Variants in ZFHX3 observed in about 807,000 individuals in gnomAD.
ZFHX3 encodes the protein zinc finger homeobox 3, also known as zinc finger homeobox protein 3.
A neutral mutation model predicts 279.1 loss-of-function variants in ZFHX3; 42 were observed. The ratio of observed to expected loss-of-function variants is 0.15; its 90% CI spans 0.12 to 0.19. The LOEUF is 0.19. Among genes scored for constraint, ZFHX3 ranks in the 10% least tolerant of loss-of-function variants. The pLI is 1.00. For missense variants in ZFHX3, 4,981 were observed against 4,754.0 expected (o/e 1.05, Z -1.40); for synonymous variants, 2,293 against 1,957.8 (o/e 1.17, Z -4.52).
chr16:73,577,196 T>TA (rs146361047), intron 2 of ZFHX3, among the ~76,000 whole-genome samples: 3,242 of 152,222 alleles, frequency 0.021, 130 homozygotes, highest in African/African-American at 0.071. Context: ...TTCTTAATGA[T>TA]AAAAAAATAA....
At chr16:73,536,867 C>T (rs1232185440) in intron 2 of ZFHX3, among the ~76,000 whole-genome samples, 1 of 152,050 alleles carries the variant, frequency 6.6e-6, no homozygotes, top group Non-Finnish European at 1.5e-5. Flanking sequence ...ACACATTTAA[C>T]TAAGGGATCT....
chr16:73,206,599 C>T (rs540737418), intron 5 of ZFHX3, among the ~76,000 whole-genome samples: 6 of 152,274 alleles, frequency 3.9e-5, no homozygotes, highest in African/African-American at 1.2e-4. Context: ...TCTCCTTTAT[C>T]AACATGTATT....
At chr16:72,828,263 G>A (rs2036981020) in intron 5 of ZFHX3, among the ~76,000 whole-genome samples, 1 of 152,158 alleles carries the variant, frequency 6.6e-6, no homozygotes, top group Non-Finnish European at 1.5e-5. Flanking sequence ...GAATTAGGTT[G>A]ACCAAATAAA....
chr16:72,814,200 C>A (rs1427055634), intron 5 of ZFHX3, among the ~76,000 whole-genome samples: 1 of 152,148 alleles, frequency 6.6e-6, no homozygotes, highest in Non-Finnish European at 1.5e-5. Flanking sequence ...CTGCTATCTG[C>A]TCCTCTTTCC....
chr16:73,737,931 G>A (rs903736844), intron 1 of ZFHX3, among the ~76,000 whole-genome samples: 1 of 152,152 alleles, frequency 6.6e-6, no homozygotes, highest in Non-Finnish European at 1.5e-5. Flanking sequence ...CCCAGGGGGT[G>A]TAGAGGTACT....
chr16:72,974,023 T>C (rs1223252384), intron 1 of ZFHX3, among the ~76,000 whole-genome samples: 1 of 152,208 alleles, frequency 6.6e-6, no homozygotes, highest in Non-Finnish European at 1.5e-5. Flanking sequence ...AAGTTCCTAT[T>C]AGGTAGCTCT....
intron 2 of ZFHX3, among the ~76,000 whole-genome samples, chr16:73,586,800 A>T (rs991458419): frequency 6.6e-6 from 1 of 152,182 alleles, no homozygotes; most frequent in Non-Finnish European, 1.5e-5. Context: ...GTTTTACCAC[A>T]TGAAATAGTT....
intron 1 of ZFHX3, chr16:73,015,124 G>A (rs995089402): frequency 1.5e-5 from 2 of 134,502 alleles, no homozygotes; most frequent in African/African-American, 2.8e-5. Context: ...TCAACTCACT[G>A]TACCCTCTAC....
rs773925417 is a variant in ZFHX3, at chr16:72,787,400, C to CCGAAGCCCGGGAGACCACTTG, written c.10855_10875dup (p.Gln3619_Ser3625dup). ...GGAGGAAAAGAAGGGGGCTTCGCTG[C>CCGAAGCCCGGGAGACCACTTG]CGAAGCCCGGGAGACCACTTGCGGC... On this transcript the variant is annotated inframe_insertion, in exon 10 of 10. Coordinates refer to ENST00000268489, the MANE Select transcript of ZFHX3 (RefSeq NM_006885.4). 1.9e-6 allele frequency: 3 copies of CCGAAGCCCGGGAGACCACTTG among 1,602,434 alleles called. No individual in the cohort carries two copies. The highest frequency in any genetic ancestry group is 2.6e-6 in the Non-Finnish European group (3 of 1,172,266).
intron 5 of ZFHX3, among the ~76,000 whole-genome samples, chr16:73,218,937 C>T (rs565366048): frequency 1.3e-5 from 2 of 152,158 alleles, no homozygotes; most frequent in Non-Finnish European, 2.9e-5. Flanking sequence ...TACCTATCAG[C>T]AGTCATTCTC....
chr16:73,453,419 C>G (rs2143563902), intron 3 of ZFHX3, among the ~76,000 whole-genome samples: 1 of 152,288 alleles, frequency 6.6e-6, no homozygotes, highest in East Asian at 1.9e-4. Flanking sequence ...AACATTTGCT[C>G]TGGAGAATGT....
At chr16:73,585,887 A>G (rs1356420703) in intron 2 of ZFHX3, among the ~76,000 whole-genome samples, 1 of 152,238 alleles carries the variant, frequency 6.6e-6, no homozygotes, top group South Asian at 2.1e-4. Context: ...AAAGAAAGAA[A>G]AAAAGGCATT....
At chr16:72,894,209 A>T (rs1209231815) in intron 3 of ZFHX3, among the ~76,000 whole-genome samples, 2 of 151,760 alleles carry the variant, frequency 1.3e-5, no homozygotes, top group Non-Finnish European at 2.9e-5. Flanking sequence ...ACAGCTGTGC[A>T]TAAACCTAAC....
At chr16:73,013,019 C>T (rs1963967910) in intron 1 of ZFHX3, among the ~76,000 whole-genome samples, 1 of 152,164 alleles carries the variant, frequency 6.6e-6, no homozygotes, top group Non-Finnish European at 1.5e-5. Context: ...CAAAGGCAGC[C>T]TATAAGCCAT....
At position 73,208,942 on chromosome 16, in the gene ZFHX3, T is replaced by C. The variant is rs11075973; in HGVS notation, c.-1104+48105A>G. ...TAGATTAATAATATGTATCATCCTTTTATTGGGTTTTGCCAATGCAATTGC... is the reference window on the plus strand; with the variant it reads ...TAGATTAATAATATGTATCATCCTTCTATTGGGTTTTGCCAATGCAATTGC... On this transcript the variant is annotated intron_variant, in intron 5 of 17. Transcript: ENST00000641206. 7.2e-5 allele frequency among the ~76,000 whole-genome samples: 11 copies of C among 152,354 alleles called. No homozygotes were observed. In the East Asian group the frequency reaches 1.9e-3, roughly 27 times the overall value.
At chr16:73,298,656 G>A (rs1158587504) in intron 4 of ZFHX3, among the ~76,000 whole-genome samples, 1 of 152,198 alleles carries the variant, frequency 6.6e-6, no homozygotes, top group Non-Finnish European at 1.5e-5. Flanking sequence ...TCTTAACTGT[G>A]AGGCCAATGG....
At chr16:73,599,317 G>T (rs1375410509) in intron 2 of ZFHX3, among the ~76,000 whole-genome samples, 1 of 152,214 alleles carries the variant, frequency 6.6e-6, no homozygotes, top group Non-Finnish European at 1.5e-5. Context: ...GATGTCCTCT[G>T]AGATGCAAAG....
intron 1 of ZFHX3, among the ~76,000 whole-genome samples, chr16:73,751,252 A>ACAAG (rs1281754412): frequency 1.3e-5 from 2 of 152,364 alleles, no homozygotes; most frequent in Middle Eastern, 3.4e-3. Flanking sequence ...TGTTTATTCA[A>ACAAG]CAAGTACTCA....
At chr16:73,669,577 T>C (rs2052881453) in intron 2 of ZFHX3, among the ~76,000 whole-genome samples, 1 of 152,228 alleles carries the variant, frequency 6.6e-6, no homozygotes, top group Admixed American at 6.5e-5. Flanking sequence ...TAGGAAAATC[T>C]AATAGGCAGA....
Sources: allele counts gnomAD v4.1 joint callset (sites outside exome capture counted in the v4.1 genomes callset), GRCh38; gene constraint gnomAD v4.1.1; transcripts MANE v1.5; gene names NCBI Gene and HGNC (gene_info 2026-07-23, HGNC 2026-07-21).